RGS17: variants seen among roughly 807,000 people sequenced by gnomAD.
RGS17 encodes regulator of G-protein signaling 17.
RGS17 carries 12 observed loss-of-function variants against 25.5 expected under a neutral mutation model. That is an observed-to-expected ratio of 0.47 (90% confidence interval 0.30 to 0.76). The LOEUF (loss-of-function observed/expected upper bound fraction) is 0.76. Ranked by LOEUF, RGS17 falls within the 30% of genes least tolerant of loss-of-function variation. The pLI is 0.07. For synonymous variants in RGS17, 71 were observed against 76.9 expected (o/e 0.92, Z 0.40); for missense variants, 196 against 242.2 (o/e 0.81, Z 1.27).
At position 153,130,968 on chromosome 6, in the gene RGS17, C is replaced by T. The variant is rs1284538003; in HGVS notation, c.-26+156G>A. On this transcript the variant is annotated intron_variant, in intron 1 of 4. Coordinates refer to ENST00000206262, the MANE Select transcript of RGS17 (RefSeq NM_012419.5). This position sits in a 1 kb window ranked among gnomAD's most constrained non-coding sequence, Gnocchi z 6.4. ...GCGGCCACAGCTGAGACCCCAGCGC[C>T]GCGCAGCCGCCCCCGCCGGGGCATG... is the stretch of plus-strand genomic sequence containing the variant. Among the ~76,000 whole-genome samples the T allele has an allele frequency of 3.3e-5, 5 of 149,338 alleles. No individual in the cohort carries two copies. Among genetic ancestry groups the T allele is most frequent in the Non-Finnish European group, 7.4e-5 (5 of 67,314 alleles).
chr6:153,049,751 A>AAAATAAATAAATAAAT (rs71773340), intron 1 of RGS17, among the ~76,000 whole-genome samples: 9 of 150,472 alleles, frequency 6.0e-5, no homozygotes, highest in African/African-American at 1.7e-4. Context: ...ACTCCTTCTC[A>AAAATAAATAAATAAAT]AAATAAATAA....
intron 2 of RGS17, among the ~76,000 whole-genome samples, chr6:153,027,115 A>G (rs1168602248): frequency 6.6e-6 from 1 of 152,192 alleles, no homozygotes; most frequent in African/African-American, 2.4e-5. Context: ...TCACCCCAGT[A>G]AATCAATGTC....
chr6:153,121,381 C>G (rs1162828271), intron 1 of RGS17, among the ~76,000 whole-genome samples: 2 of 152,188 alleles, frequency 1.3e-5, no homozygotes, highest in Non-Finnish European at 2.9e-5. Context: ...CAGACTAGAA[C>G]TCTCTTGGGG....
intron 1 of RGS17, among the ~76,000 whole-genome samples, chr6:153,047,437 A>G (rs899327733): frequency 1.3e-5 from 2 of 152,232 alleles, no homozygotes; most frequent in Non-Finnish European, 2.9e-5. Flanking sequence ...CATATTATTA[A>G]GTCCAAGAGT....
chr6:153,126,039 C>T (rs1345596405), intron 1 of RGS17, among the ~76,000 whole-genome samples: 4 of 152,140 alleles, frequency 2.6e-5, no homozygotes, highest in African/African-American at 9.7e-5. Context: ...GTTAAGGTAA[C>T]ACATTAAATT....
Position 153,130,300 on chromosome 6 carries a change from G to A in RGS17, c.-26+824C>T, listed in dbSNP as rs1443353716. ...CACGGAAAGACCACCATCACCTACA[G>A]CAAAGGAGGCTCCGATGCGCCCACC... On this transcript the variant is annotated intron_variant, in intron 1 of 4. Transcript: ENST00000206262. The surrounding 1 kb of genome is among the most constrained non-coding windows in gnomAD (Gnocchi z 6.4). Among the ~76,000 whole-genome samples the A allele has an allele frequency of 1.3e-5, 2 of 152,100 alleles. No homozygotes were observed. Among genetic ancestry groups the A allele is most frequent in the Non-Finnish European group, 2.9e-5 (2 of 68,010 alleles).
At chr6:153,034,577 A>G (rs1776215610) in intron 2 of RGS17, among the ~76,000 whole-genome samples, 1 of 152,214 alleles carries the variant, frequency 6.6e-6, no homozygotes, top group Non-Finnish European at 1.5e-5. Flanking sequence ...TTACTGAGGA[A>G]GAAACCGAGG....
chr6:153,103,178 A>T (rs1395660822), intron 1 of RGS17, among the ~76,000 whole-genome samples: 5 of 152,340 alleles, frequency 3.3e-5, no homozygotes, highest in Admixed American at 3.3e-4. Flanking sequence ...CTAACATTTG[A>T]GTAATGACCT....
chr6:153,120,629 T>C (rs1777616021), intron 1 of RGS17, among the ~76,000 whole-genome samples: 1 of 152,158 alleles, frequency 6.6e-6, no homozygotes, highest in Admixed American at 6.6e-5. Flanking sequence ...CCGGTAATCC[T>C]CCGCTTAGAG....
chr6:153,040,408 T>C (rs188510935), intron 2 of RGS17, among the ~76,000 whole-genome samples: 5 of 152,198 alleles, frequency 3.3e-5, no homozygotes, highest in Admixed American at 3.3e-4. Context: ...GAATGAGAAG[T>C]GCAAATTTGA....
At position 153,104,983 on chromosome 6, in the gene RGS17, T is replaced by C. The variant is rs541962115; in HGVS notation, c.-26+26141A>G. ...TGGTTGTGAATGTCCTGGCTCATTA[T>C]TGCATGAACAGCTGAGAGGCTGGAT... is the stretch of plus-strand genomic sequence containing the variant. On this transcript the variant is annotated intron_variant, in intron 1 of 4. Transcript: ENST00000206262. 3.9e-5 allele frequency among the ~76,000 whole-genome samples: 6 copies of C among 152,192 alleles called. No individual in the cohort carries two copies. The South Asian group carries it at 1.2e-3, about 32-fold the overall frequency.
At chr6:153,075,942 G>A (rs879672260) in intron 1 of RGS17, among the ~76,000 whole-genome samples, 3 of 152,166 alleles carry the variant, frequency 2.0e-5, no homozygotes, top group Admixed American at 6.5e-5. Flanking sequence ...CTTATTTACA[G>A]TAGGCGGGTG....
intron 1 of RGS17, among the ~76,000 whole-genome samples, chr6:153,101,471 C>A (rs759611463): frequency 6.6e-5 from 10 of 152,054 alleles, no homozygotes; most frequent in Non-Finnish European, 1.5e-4. Context: ...TGTATGCTAC[C>A]GATTTAAAAG....
chr6:153,072,706 G>A (rs1447697153), intron 1 of RGS17, among the ~76,000 whole-genome samples: 2 of 152,224 alleles, frequency 1.3e-5, no homozygotes, highest in African/African-American at 4.8e-5. Context: ...CTCATGCCCT[G>A]AAAGGTTGGT....
chr6:153,108,110 C>T (rs930294517), intron 1 of RGS17, among the ~76,000 whole-genome samples: 1 of 152,174 alleles, frequency 6.6e-6, no homozygotes, highest in Non-Finnish European at 1.5e-5. Flanking sequence ...AAAAGTGCCA[C>T]CTCCTTTTTT....
At chr6:153,079,048 G>C (rs1475945173) in intron 1 of RGS17, among the ~76,000 whole-genome samples, 1 of 151,548 alleles carries the variant, frequency 6.6e-6, no homozygotes, top group African/African-American at 2.4e-5. Context: ...ACACTGGTTA[G>C]AGTATCTAAA....
intron 1 of RGS17, among the ~76,000 whole-genome samples, chr6:153,116,059 C>T (rs1011405611): frequency 3.3e-5 from 5 of 152,032 alleles, no homozygotes; most frequent in Non-Finnish European, 5.9e-5. Context: ...CAATGAAAGC[C>T]AAAATTGACA....
At chr6:153,070,163 TCCCA>T (rs1363806450) in intron 1 of RGS17, among the ~76,000 whole-genome samples, 1 of 151,920 alleles carries the variant, frequency 6.6e-6, no homozygotes, top group Non-Finnish European at 1.5e-5. Context: ...ATTCCCAACC[TCCCA>T]CTAAAGTACT....
At chr6:153,027,358 G>A (rs368341013) in intron 2 of RGS17, among the ~76,000 whole-genome samples, 44 of 152,172 alleles carry the variant, frequency 2.9e-4, no homozygotes, top group African/African-American at 8.9e-4. Flanking sequence ...GAAAACTCTC[G>A]GTGTGGACTA....
Sources: gnomAD v4.1 joint callset for allele counts (sites outside exome capture counted in the v4.1 genomes callset) on GRCh38, gnomAD v4.1.1 for gene constraint, Gnocchi (gnomAD v3.1) non-coding constraint, MANE v1.5 for transcripts, NCBI Gene and HGNC (gene_info 2026-07-23, HGNC 2026-07-21) for gene names.